Variants in CNTN5 observed in about 807,000 individuals in gnomAD.
CNTN5 encodes the protein contactin 5.
A neutral mutation model predicts 129.1 loss-of-function variants in CNTN5; 77 were observed. The observed-to-expected ratio is 0.60, with a 90% CI of 0.50 to 0.72. CNTN5 has a LOEUF of 0.72. Ranked by LOEUF, CNTN5 falls within the 30% of genes least tolerant of loss-of-function variation. The pLI, the probability that CNTN5 is intolerant of heterozygous loss-of-function variation, is 0.00. For missense variants in CNTN5, 1,478 were observed against 1,328.8 expected (o/e 1.11, Z -1.75); for synonymous variants, 509 against 465.6 (o/e 1.09, Z -1.20).
chr11:99,744,778 G>C (rs1944000151), intron 3 of CNTN5, among the ~76,000 whole-genome samples: 1 of 150,816 alleles, frequency 6.6e-6, no homozygotes, highest in Admixed American at 6.6e-5. Context: ...GTGATGTGGA[G>C]ATGCTAACCC....
intron 16 of CNTN5, among the ~76,000 whole-genome samples, chr11:100,239,871 A>T (rs1258283955): frequency 6.6e-6 from 1 of 152,208 alleles, no homozygotes; most frequent in East Asian, 1.9e-4. Flanking sequence ...AATGTTCATT[A>T]ATCACAAAAA....
In CNTN5 at chr11:100,282,527, C is replaced by T. The variant is rs533877819; in HGVS notation, c.2314+11286C>T. ...CACCACCACTGGAACTGTGCTGGGTCAGACCTGAAGCCAGTCCAGCAGTCG... is the reference window on the plus strand; with the variant it reads ...CACCACCACTGGAACTGTGCTGGGTTAGACCTGAAGCCAGTCCAGCAGTCG... On this transcript the variant is annotated intron_variant, in intron 18 of 24. Transcript: ENST00000524871. 1.0e-3 allele frequency among the ~76,000 whole-genome samples: 156 copies of T among 152,336 alleles called. 1 individual carries two copies. The highest frequency in any genetic ancestry group is 3.4e-3 in the Middle Eastern group (1 of 294).
chr11:99,712,843 T>A (rs1955050523), intron 3 of CNTN5, among the ~76,000 whole-genome samples: 1 of 152,170 alleles, frequency 6.6e-6, no homozygotes, highest in Admixed American at 6.6e-5. Context: ...TCTATATATC[T>A]GTTGTGGTAC....
chr11:99,371,815 G>A (rs923804179), intron 2 of CNTN5, among the ~76,000 whole-genome samples: 14 of 152,092 alleles, frequency 9.2e-5, no homozygotes, highest in Non-Finnish European at 1.9e-4. Context: ...AAATGTATAA[G>A]GCATGAAGCA....
chr11:99,079,692 A>C (rs1362614961), intron 1 of CNTN5, among the ~76,000 whole-genome samples: 2 of 152,176 alleles, frequency 1.3e-5, no homozygotes, highest in South Asian at 2.1e-4. Flanking sequence ...AGCCAAAACA[A>C]ATTAACTTTA....
At chr11:100,275,087 T>C (rs1300605073) in intron 18 of CNTN5, among the ~76,000 whole-genome samples, 1 of 86,542 alleles carries the variant, frequency 1.2e-5, no homozygotes, top group Non-Finnish European at 2.5e-5. Context: ...CATATAAAAA[T>C]TAAACAACCA....
chr11:100,083,955 C>T (rs1304837468), intron 13 of CNTN5, among the ~76,000 whole-genome samples: 3 of 152,136 alleles, frequency 2.0e-5, no homozygotes, highest in Non-Finnish European at 4.4e-5. Context: ...CAACTCCCAA[C>T]GAGAGATAAC....
intron 3 of CNTN5, among the ~76,000 whole-genome samples, chr11:99,655,149 G>A (rs990797957): frequency 6.6e-6 from 1 of 152,074 alleles, no homozygotes; most frequent in African/African-American, 2.4e-5. Context: ...AAAATCTTAA[G>A]TGGTCCTTAA....
At chr11:99,555,082 C>A (rs1463716738) in intron 2 of CNTN5, among the ~76,000 whole-genome samples, 1 of 151,904 alleles carries the variant, frequency 6.6e-6, no homozygotes, top group African/African-American at 2.4e-5. Context: ...GAAGTAACTT[C>A]ATTTAGGTAG....
chr11:100,169,550 C>T (rs549087922), intron 13 of CNTN5, among the ~76,000 whole-genome samples: 5 of 152,022 alleles, frequency 3.3e-5, no homozygotes, highest in Admixed American at 6.6e-5. Context: ...TTACGGTTAG[C>T]GTTTTATAGC....
At chr11:100,265,843 A>G (rs1480526444) in intron 17 of CNTN5, among the ~76,000 whole-genome samples, 1 of 152,170 alleles carries the variant, frequency 6.6e-6, no homozygotes, top group African/African-American at 2.4e-5. Flanking sequence ...TTTCCACTCA[A>G]GCAAATGGCT....
At chr11:99,254,352 G>C (rs1173795385) in intron 1 of CNTN5, among the ~76,000 whole-genome samples, 2 of 151,848 alleles carry the variant, frequency 1.3e-5, no homozygotes, top group Admixed American at 1.3e-4. Flanking sequence ...TGAATTCTGT[G>C]AACTTAAATA....
intron 1 of CNTN5, among the ~76,000 whole-genome samples, chr11:99,063,355 CA>C: frequency 6.6e-6 from 1 of 151,922 alleles, no homozygotes; most frequent in South Asian, 2.1e-4. Flanking sequence ...GGAGGAGCAT[CA>C]AAGAACCAGG....
chr11:99,818,115 T>G (rs1297894191), intron 3 of CNTN5, among the ~76,000 whole-genome samples: 1 of 152,228 alleles, frequency 6.6e-6, no homozygotes, highest in Non-Finnish European at 1.5e-5. Flanking sequence ...TTTTGCATTC[T>G]AAAATATCTC....
At chr11:99,597,043 C>A (rs1000238330) in intron 3 of CNTN5, among the ~76,000 whole-genome samples, 1 of 152,078 alleles carries the variant, frequency 6.6e-6, no homozygotes, top group Non-Finnish European at 1.5e-5. Flanking sequence ...TTTTTAGAAG[C>A]TATACATAGT....
chr11:99,681,764 A>G (rs1953565021), intron 3 of CNTN5, among the ~76,000 whole-genome samples: 1 of 152,040 alleles, frequency 6.6e-6, no homozygotes, highest in Non-Finnish European at 1.5e-5. Flanking sequence ...TCTAGAAATG[A>G]TCCCTTAGAT....
chr11:100,142,073 C>T (rs1047326109), intron 13 of CNTN5, among the ~76,000 whole-genome samples: 1 of 152,126 alleles, frequency 6.6e-6, no homozygotes, highest in African/African-American at 2.4e-5. Flanking sequence ...GACATCAGAA[C>T]GCCAGGCTCT....
chr11:100,306,764 T>A (rs1286339289), intron 20 of CNTN5, among the ~76,000 whole-genome samples: 1 of 151,690 alleles, frequency 6.6e-6, no homozygotes, highest in East Asian at 1.9e-4. Flanking sequence ...AGAATGCATG[T>A]TTTAAATTGG....
intron 1 of CNTN5, among the ~76,000 whole-genome samples, chr11:99,254,056 T>G (rs926196729): frequency 1.3e-5 from 2 of 151,748 alleles, no homozygotes; most frequent in African/African-American, 4.8e-5. Flanking sequence ...CTTTTTTCAT[T>G]TAAAAGATTG....
Sources: allele counts gnomAD v4.1 joint callset (sites outside exome capture counted in the v4.1 genomes callset), GRCh38; gene constraint gnomAD v4.1.1; transcripts MANE v1.5; gene names NCBI Gene and HGNC (gene_info 2026-07-23, HGNC 2026-07-21).